The following MTMR3 variants were observed in gnomAD, a reference collection of about 807,000 sequenced individuals.
The protein encoded by MTMR3 is phosphatidylinositol-3,5-bisphosphate 3-phosphatase MTMR3.
MTMR3 carries 32 observed loss-of-function variants against 132.4 expected under a neutral mutation model. The observed-to-expected ratio is 0.24, with a 90% confidence interval of 0.18 to 0.32. MTMR3 has a LOEUF of 0.32. Ranked by LOEUF, MTMR3 falls within the 10% of genes least tolerant of loss-of-function variation. The pLI, the probability that MTMR3 is intolerant of heterozygous loss-of-function variation, is 1.00. For missense variants in MTMR3, 1,216 were observed against 1,489.6 expected (o/e 0.82, Z 3.02); for synonymous variants, 556 against 550.3 (o/e 1.01, Z -0.14).
intron 5 of MTMR3, chr22:29,985,817 T>C (rs928223599): frequency 6.6e-6 from 1 of 152,214 alleles, no homozygotes; most frequent in African/African-American, 2.4e-5. Flanking sequence ...TGTTAAAATA[T>C]AGAAAAAAAT....
chr22:29,913,813 G>A (rs552092823), intron 1 of MTMR3, among the ~76,000 whole-genome samples: 4 of 151,966 alleles, frequency 2.6e-5, no homozygotes, highest in East Asian at 1.9e-4. Flanking sequence ...GTGCGGTGGC[G>A]AGATCTCGGC....
Position 30,020,326 on chromosome 22 carries a change from G to T in MTMR3, c.2667G>T (p.Leu889=). The T allele has an allele frequency of 6.2e-7, 1 of 1,614,202 alleles. No individual in the cohort carries two copies. The highest frequency in any genetic ancestry group is 8.5e-7 in the Non-Finnish European group (1 of 1,180,040). Residue 889 remains leucine (L), a synonymous_variant, in exon 17 of 20, where the codon CTG becomes CTT. Coordinates refer to ENST00000401950, the MANE Select transcript of MTMR3 (RefSeq NM_021090.4). The part of the protein sequence containing the change: ...TMEPSPSETS[L]VERPQVGSVV... ...AACCCAGCCCTTCAGAGACAAGCCT[G>T]GTCGAGAGGCCCCAAGTGGGGTCTG...
At chr22:29,961,948 T>C (rs921213354) in intron 2 of MTMR3, among the ~76,000 whole-genome samples, 12 of 152,264 alleles carry the variant, frequency 7.9e-5, no homozygotes, top group African/African-American at 2.9e-4. Context: ...TGCAGGTTTG[T>C]AGCCTAGGAA....
intron 13 of MTMR3, 50 bp from the exon 14 acceptor site, chr22:30,013,306 C>T (rs998531597): frequency 2.5e-6 from 4 of 1,585,080 alleles, no homozygotes; most frequent in Non-Finnish European, 3.5e-6. Flanking sequence ...AGGACTGTCA[C>T]AGTCTGGATA....
At chr22:29,899,002 ACATTTTAT>A (rs556995609) in intron 1 of MTMR3, among the ~76,000 whole-genome samples, 207 of 151,550 alleles carry the variant, frequency 1.4e-3, no homozygotes, top group African/African-American at 4.6e-3. Context: ...CAGTAGTTAC[ACATTTTAT>A]AACATTACCT....
intron 5 of MTMR3, chr22:29,983,035 T>C (rs774279502): frequency 7.9e-5 from 12 of 151,950 alleles, no homozygotes; most frequent in African/African-American, 2.7e-4. Context: ...TCCCTGTAAG[T>C]AGTATGAAAA....
chr22:29,883,691 C>T (rs2064601768), intron 1 of MTMR3, among the ~76,000 whole-genome samples: 1 of 152,174 alleles, frequency 6.6e-6, no homozygotes, highest in African/African-American at 2.4e-5. Flanking sequence ...TGGGACGTAC[C>T]CTCGGAGCGC....
chr22:29,943,168 C>T lies in MTMR3; in HGVS notation c.-137-13868C>T, dbSNP rs145126037. 8.1e-4 allele frequency among the ~76,000 whole-genome samples: 123 copies of T among 152,136 alleles called. 1 individual carries two copies. In the East Asian group the frequency reaches 0.018, roughly 22 times the overall value. On this transcript the variant is annotated intron_variant, in intron 1 of 19. Coordinates refer to ENST00000401950, the MANE Select transcript of MTMR3 (RefSeq NM_021090.4). ...CCTCCGTTCGGGGTCCCTGACTTTCCGCAACAATGATGTGTGTATTTTTCT... is the reference window on the plus strand; with the variant it reads ...CCTCCGTTCGGGGTCCCTGACTTTCTGCAACAATGATGTGTGTATTTTTCT...
chr22:29,924,820 G>T (rs1158302506), intron 1 of MTMR3, among the ~76,000 whole-genome samples: 1 of 151,880 alleles, frequency 6.6e-6, no homozygotes, highest in Non-Finnish European at 1.5e-5. Flanking sequence ...TTATGCTATT[G>T]TAAATGGAAT....
Position 30,019,679 on chromosome 22 carries a change from G to C in MTMR3, c.2020G>C (p.Gly674Arg). Residue 674 changes from glycine (G) to arginine (R), a missense_variant, in exon 17 of 20, where the codon GGG becomes CGG. Physicochemically the swap from Gly to Arg is moderately radical, Grantham distance 125. Coordinates refer to ENST00000401950, the MANE Select transcript of MTMR3 (RefSeq NM_021090.4). ...CCTAGGGAAGCCCACCAGAGTGCCGGGGGGTGCCGAGCTTTCTGTTGCAGC... is the reference window on the plus strand; with the variant it reads ...CCTAGGGAAGCCCACCAGAGTGCCGCGGGGTGCCGAGCTTTCTGTTGCAGC... ...DSLGKPTRVP[G>R]GAELSVAAGV... is the part of the protein sequence containing the mutation. 1.2e-6 allele frequency: 2 copies of C among 1,614,238 alleles called. No individual in the cohort carries two copies. Among genetic ancestry groups the C allele is most frequent in the Non-Finnish European group, 1.7e-6 (2 of 1,180,044 alleles).
At chr22:29,894,301 G>C (rs1247087889) in intron 1 of MTMR3, among the ~76,000 whole-genome samples, 1 of 152,168 alleles carries the variant, frequency 6.6e-6, no homozygotes, top group African/African-American at 2.4e-5. Flanking sequence ...CAGGTAAGCT[G>C]ATTTGAACTT....
intron 1 of MTMR3, among the ~76,000 whole-genome samples, chr22:29,913,167 G>C (rs1288002321): frequency 6.6e-6 from 1 of 152,106 alleles, no homozygotes; most frequent in East Asian, 1.9e-4. Flanking sequence ...AGAGTTGCTT[G>C]AGCCCAGGAC....
chr22:29,973,494 A>G (rs2066574811), intron 3 of MTMR3, among the ~76,000 whole-genome samples: 1 of 152,234 alleles, frequency 6.6e-6, no homozygotes, highest in Non-Finnish European at 1.5e-5. Flanking sequence ...ACTGGAAATG[A>G]CAGTAGGACT....
At chr22:29,891,439 A>G (rs1288086522) in intron 1 of MTMR3, among the ~76,000 whole-genome samples, 2 of 150,834 alleles carry the variant, frequency 1.3e-5, no homozygotes, top group South Asian at 2.1e-4. Flanking sequence ...TATAATATGT[A>G]TATATTTTTT....
chr22:29,920,826 T>G (rs1276675864), intron 1 of MTMR3, among the ~76,000 whole-genome samples: 1 of 152,210 alleles, frequency 6.6e-6, no homozygotes, highest in Admixed American at 6.5e-5. Context: ...TCTCCTAATT[T>G]TCTTGTACCT....
intron 1 of MTMR3, among the ~76,000 whole-genome samples, chr22:29,885,333 T>G (rs1253970134): frequency 1.3e-5 from 2 of 152,148 alleles, no homozygotes; most frequent in East Asian, 3.8e-4. Context: ...TTATAGATCT[T>G]TAAGAATTTA....
rs1247119716 is a variant in MTMR3 at position 29,949,133 on chromosome 22, ACACACACACACCCCCCCCCCC to A, written c.-137-7901_-137-7881del. Among the ~76,000 whole-genome samples the A allele has an allele frequency of 2.4e-3, 79 of 32,824 alleles. 1 individual carries two copies. The highest frequency in any genetic ancestry group is 3.5e-3 in the Non-Finnish European group (65 of 18,632). The allele number at this position is 32,824 out of a possible 152,430, so 21.5% of individuals were successfully genotyped here. On this transcript the variant is annotated intron_variant, in intron 1 of 19. Transcript: ENST00000401950. The stretch of plus-strand genomic sequence containing the variant: ...CACACACACACACACACACACACAC[ACACACACACACCCCCCCCCCC>A]CCCCCCGAGGCCCTGTCTTAAAACA...
At chr22:29,926,303 G>T (rs28787603) in intron 1 of MTMR3, among the ~76,000 whole-genome samples, 1 of 151,986 alleles carries the variant, frequency 6.6e-6, no homozygotes, top group Non-Finnish European at 1.5e-5. Flanking sequence ...GTGATCATTT[G>T]GGTTTTTATT....
chr22:30,008,175 T>C (rs1569047040), intron 11 of MTMR3, 143 bp downstream of exon 11: 1 of 1,062,002 alleles, frequency 9.4e-7, no homozygotes. Flanking sequence ...AGCTTCTCTT[T>C]GGATTCTTAA....
Sources: gnomAD v4.1 joint callset for allele counts (sites outside exome capture counted in the v4.1 genomes callset) on GRCh38, gnomAD v4.1.1 for gene constraint, MANE v1.5 for transcripts, NCBI Gene and HGNC (gene_info 2026-07-23, HGNC 2026-07-21) for gene names.